Variants in CRYBG1 observed in about 807,000 individuals in gnomAD.
CRYBG1 encodes the protein crystallin beta-gamma domain containing 1.
A neutral mutation model predicts 189.2 loss-of-function variants in CRYBG1; 139 were observed. The observed-to-expected ratio is 0.73, with a 90% CI of 0.64 to 0.85. The LOEUF is 0.85. CRYBG1 is among the 40% of genes least tolerant of loss of function. CRYBG1 has a pLI of 0.00. For synonymous variants in CRYBG1, 1,023 were observed against 1,017.1 expected (o/e 1.01, Z -0.11); for missense variants, 2,611 against 2,675.8 (o/e 0.98, Z 0.53).
At chr6:106,551,548 G>A (rs921644704) in intron 13 of CRYBG1, among the ~76,000 whole-genome samples, 7 of 152,276 alleles carry the variant, frequency 4.6e-5, no homozygotes, top group African/African-American at 1.7e-4. Flanking sequence ...TGGGATTGCT[G>A]GGTTGAATAC....
chr6:106,478,000 A>C (rs762417438), intron 2 of CRYBG1, among the ~76,000 whole-genome samples: 1 of 152,276 alleles, frequency 6.6e-6, no homozygotes, highest in Admixed American at 6.5e-5. Flanking sequence ...GGAGGAGGGC[A>C]CGGCTGTTGT....
chr6:106,380,892 T>C (rs1432640912), intron 1 of CRYBG1, among the ~76,000 whole-genome samples: 1 of 152,220 alleles, frequency 6.6e-6, no homozygotes, highest in Non-Finnish European at 1.5e-5. Context: ...GGGGGTGCCC[T>C]TGATGAAACG....
intron 1 of CRYBG1, among the ~76,000 whole-genome samples, chr6:106,419,503 T>A (rs1771086344): frequency 6.6e-6 from 1 of 152,092 alleles, no homozygotes; most frequent in South Asian, 2.1e-4. Context: ...CTACCTCAGC[T>A]CCCTGAGTAG....
At chr6:106,364,995 G>A (rs2114288195) in intron 1 of CRYBG1, among the ~76,000 whole-genome samples, 1 of 152,178 alleles carries the variant, frequency 6.6e-6, no homozygotes, top group South Asian at 2.1e-4. Flanking sequence ...TTTCTTACTA[G>A]TTTCTTGCTT....
rs1770959580 is a variant in CRYBG1 at position 106,413,099 on chromosome 6, C to T, written c.174-38595C>T. On this transcript the variant is annotated intron_variant, in intron 1 of 21. Transcript: ENST00000633556. ...ATTCTCAGGTAACCCTGCTCCCAAC[C>T]TCTGTCATGAAGTGGCCTCCTCAAC... 2.6e-5 allele frequency among the ~76,000 whole-genome samples: 4 copies of T among 152,254 alleles called. No homozygotes were observed. The South Asian group carries it at 8.3e-4, about 32-fold the overall frequency.
At chr6:106,549,412 A>T (rs76117750) in intron 13 of CRYBG1, among the ~76,000 whole-genome samples, 4,985 of 152,240 alleles carry the variant, frequency 0.033, 267 homozygotes, top group East Asian at 0.19. Context: ...AGGTGGAGCC[A>T]GGTCTCCTAT....
chr6:106,383,005 G>T (rs1174461834), intron 1 of CRYBG1, among the ~76,000 whole-genome samples: 3 of 152,268 alleles, frequency 2.0e-5, no homozygotes, highest in African/African-American at 7.2e-5. Flanking sequence ...GCAATTTTTT[G>T]TGTGTGTCTC....
intron 1 of CRYBG1, among the ~76,000 whole-genome samples, chr6:106,415,686 A>G (rs893617571): frequency 4.6e-5 from 7 of 151,850 alleles, no homozygotes; most frequent in African/African-American, 1.7e-4. Flanking sequence ...TGATCATACC[A>G]CTGCACTCCA....
chr6:106,383,074 T>C (rs950443084), intron 1 of CRYBG1, among the ~76,000 whole-genome samples: 2 of 152,168 alleles, frequency 1.3e-5, no homozygotes, highest in African/African-American at 4.8e-5. Context: ...GAGGTAGCTT[T>C]TTCCAGAATG....
chr6:106,546,725 T>C (rs1362107813), intron 13 of CRYBG1, among the ~76,000 whole-genome samples: 2 of 152,220 alleles, frequency 1.3e-5, no homozygotes, highest in Non-Finnish European at 2.9e-5. Context: ...TCATCTGAAA[T>C]ATAAGGTACA....
intron 20 of CRYBG1, among the ~76,000 whole-genome samples, chr6:106,562,217 C>T (rs1180076465): frequency 1.3e-5 from 2 of 152,162 alleles, no homozygotes; most frequent in Non-Finnish European, 2.9e-5. Flanking sequence ...TTAATTGGGT[C>T]TGTTGTGCTG....
intron 2 of CRYBG1, among the ~76,000 whole-genome samples, chr6:106,510,595 G>C (rs1773232521): frequency 6.6e-6 from 1 of 152,232 alleles, no homozygotes. Context: ...CGTGTGGCGA[G>C]GAACGGGTCC....
At chr6:106,434,152 A>AAGAG (rs35292541) in intron 1 of CRYBG1, among the ~76,000 whole-genome samples, 1 of 148,718 alleles carries the variant, frequency 6.7e-6, no homozygotes, top group African/African-American at 2.5e-5. Flanking sequence ...ATCAGAGAGA[A>AAGAG]AGAGAGAGAG....
intron 1 of CRYBG1, among the ~76,000 whole-genome samples, chr6:106,361,492 A>G (rs186201161): frequency 1.1e-4 from 16 of 152,272 alleles, no homozygotes; most frequent in African/African-American, 3.9e-4. Flanking sequence ...TTTATTGTGA[A>G]TATCTGTAAG....
intron 1 of CRYBG1, chr6:106,451,491 C>A: frequency 2.4e-6 from 1 of 413,922 alleles, no homozygotes; most frequent in Non-Finnish European, 4.2e-6. Context: ...CAGTTAGGCA[C>A]AGGGTGAAGT....
intron 8 of CRYBG1, among the ~76,000 whole-genome samples, chr6:106,533,432 G>A (rs985644154): frequency 2.6e-5 from 4 of 152,212 alleles, no homozygotes; most frequent in Non-Finnish European, 4.4e-5. Flanking sequence ...AATCATTGGC[G>A]AATTTTTATC....
chr6:106,403,115 G>A (rs931290268), intron 1 of CRYBG1, among the ~76,000 whole-genome samples: 3 of 152,158 alleles, frequency 2.0e-5, no homozygotes, highest in East Asian at 3.9e-4. Context: ...GGGGAGGATT[G>A]CTTGAGGCCA....
intron 2 of CRYBG1, among the ~76,000 whole-genome samples, chr6:106,462,809 G>C (rs1193923760): frequency 6.6e-6 from 1 of 152,090 alleles, no homozygotes; most frequent in African/African-American, 2.4e-5. Flanking sequence ...ATTGAGTGGC[G>C]AATCAAGATC....
intron 2 of CRYBG1, among the ~76,000 whole-genome samples, chr6:106,471,844 T>C (rs2114468018): frequency 2.6e-5 from 4 of 152,190 alleles, no homozygotes; most frequent in Admixed American, 2.6e-4. Flanking sequence ...GTCTTATTTA[T>C]TGGCATACTA....
Sources: gnomAD v4.1 joint callset for allele counts (sites outside exome capture counted in the v4.1 genomes callset) on GRCh38, gnomAD v4.1.1 for gene constraint, MANE v1.5 for transcripts, NCBI Gene and HGNC (gene_info 2026-07-23, HGNC 2026-07-21) for gene names.